Variants in ARHGAP44 observed in about 807,000 individuals in gnomAD.
ARHGAP44 encodes Rho GTPase activating protein 44.
ARHGAP44 carries 43 observed loss-of-function variants against 106.8 expected under a neutral mutation model. The ratio of observed to expected loss-of-function variants is 0.40; its 90% CI spans 0.32 to 0.52. The LOEUF (loss-of-function observed/expected upper bound fraction) is 0.52. ARHGAP44 is among the 20% of genes least tolerant of loss of function. The probability of loss-of-function intolerance (pLI) is 0.48; values close to 1 mark genes in which losing one functional copy is unlikely to be tolerated. For missense variants in ARHGAP44, 866 were observed against 1,050.5 expected (o/e 0.82, Z 2.43); for synonymous variants, 439 against 410.3 (o/e 1.07, Z -0.85).
intron 1 of ARHGAP44, among the ~76,000 whole-genome samples, chr17:12,884,303 T>A (rs2036821764): frequency 6.6e-6 from 1 of 152,220 alleles, no homozygotes; most frequent in Non-Finnish European, 1.5e-5. Flanking sequence ...CTATATTGCT[T>A]TATGCAGCAC....
At chr17:12,889,275 A>T (rs953398487) in intron 1 of ARHGAP44, among the ~76,000 whole-genome samples, 1 of 152,218 alleles carries the variant, frequency 6.6e-6, no homozygotes, top group Non-Finnish European at 1.5e-5. Context: ...GTGCTCTAAC[A>T]GAATGCCACA....
intron 6 of ARHGAP44, among the ~76,000 whole-genome samples, chr17:12,926,262 G>A (rs2038225201): frequency 6.6e-6 from 1 of 151,652 alleles, no homozygotes; most frequent in Non-Finnish European, 1.5e-5. Flanking sequence ...CTACTCGGGA[G>A]GCTGAGGCAG....
rs529465698 is a variant in ARHGAP44 at position 12,868,455 on chromosome 17, C to A, written c.54-26485C>A. On this transcript the variant is annotated intron_variant, in intron 1 of 20. Coordinates refer to ENST00000379672, the MANE Select transcript of ARHGAP44 (RefSeq NM_014859.6). ...AGAAATCAAATAAAACCAAAACCACCATATCCATTATATTACATTCCAAAA... is the reference window on the plus strand; with the variant it reads ...AGAAATCAAATAAAACCAAAACCACAATATCCATTATATTACATTCCAAAA... Among the ~76,000 whole-genome samples, 20 of 151,484 alleles carry A rather than the reference C, an allele frequency of 1.3e-4. No homozygotes were observed. In the East Asian group the frequency reaches 3.5e-3, roughly 27 times the overall value.
intron 1 of ARHGAP44, among the ~76,000 whole-genome samples, chr17:12,859,299 C>G (rs2035998787): frequency 6.6e-6 from 1 of 152,186 alleles, no homozygotes. Flanking sequence ...CCTGCTGACA[C>G]CTTGAATGTA....
chr17:12,938,700 C>T (rs1379582831), intron 7 of ARHGAP44, among the ~76,000 whole-genome samples: 1 of 151,306 alleles, frequency 6.6e-6, no homozygotes. Flanking sequence ...TTTCAAAATG[C>T]ATTAAATTCT....
At chr17:12,889,127 G>A (rs1001567194) in intron 1 of ARHGAP44, among the ~76,000 whole-genome samples, 1 of 151,942 alleles carries the variant, frequency 6.6e-6, no homozygotes, top group Non-Finnish European at 1.5e-5. Context: ...TTTGTTTTCT[G>A]TTCTTTCTGT....
chr17:12,931,547 A>G (rs558078763), intron 7 of ARHGAP44, among the ~76,000 whole-genome samples: 3 of 151,922 alleles, frequency 2.0e-5, no homozygotes, highest in Admixed American at 2.0e-4. Flanking sequence ...CCCAGGCTGG[A>G]GTGCAGTGGC....
chr17:12,871,291 G>A (rs11657152), intron 1 of ARHGAP44, among the ~76,000 whole-genome samples: 138,805 of 152,150 alleles, frequency 0.91, 63,464 homozygotes, highest in African/African-American at 0.93. Flanking sequence ...GGATCGTGGG[G>A]GTGGTCTCTC....
intron 1 of ARHGAP44, among the ~76,000 whole-genome samples, chr17:12,864,426 T>A (rs2036175707): frequency 6.6e-6 from 1 of 152,180 alleles, no homozygotes; most frequent in Admixed American, 6.5e-5. Context: ...AAGGCTGAAC[T>A]GGAGGTCTGA....
chr17:12,905,721 A>G (rs2037527041), intron 3 of ARHGAP44, among the ~76,000 whole-genome samples: 1 of 152,154 alleles, frequency 6.6e-6, no homozygotes, highest in Non-Finnish European at 1.5e-5. Context: ...CTATAGGCAA[A>G]TCCTCTCTTC....
intron 16 of ARHGAP44, among the ~76,000 whole-genome samples, chr17:12,963,204 C>T (rs2039307164): frequency 6.6e-6 from 1 of 152,088 alleles, no homozygotes; most frequent in South Asian, 2.1e-4. Context: ...CTTGTCCTCC[C>T]AGGGAGTGTT....
intron 16 of ARHGAP44, among the ~76,000 whole-genome samples, chr17:12,970,907 T>C (rs1224129735): frequency 6.6e-6 from 1 of 152,248 alleles, no homozygotes; most frequent in African/African-American, 2.4e-5. Context: ...AACATTTACA[T>C]ATACCATCTT....
chr17:12,864,220 G>A (rs1453236912), intron 1 of ARHGAP44, among the ~76,000 whole-genome samples: 1 of 152,170 alleles, frequency 6.6e-6, no homozygotes, highest in Admixed American at 6.5e-5. Flanking sequence ...ATGAGGCTGG[G>A]ATTTCATCTA....
At chr17:12,882,898 G>C (rs1057319775) in intron 1 of ARHGAP44, among the ~76,000 whole-genome samples, 5 of 151,736 alleles carry the variant, frequency 3.3e-5, no homozygotes, top group Admixed American at 2.0e-4. Flanking sequence ...AGTTATGCTT[G>C]TTTCTCAGAA....
chr17:12,868,050 CTGTT>C (rs1302450078), intron 1 of ARHGAP44, among the ~76,000 whole-genome samples: 1 of 152,306 alleles, frequency 6.6e-6, no homozygotes, highest in East Asian at 1.9e-4. Flanking sequence ...TCTGATGAGT[CTGTT>C]TGGGCTGCAA....
At chr17:12,862,277 A>G (rs1274028448) in intron 1 of ARHGAP44, among the ~76,000 whole-genome samples, 1 of 152,092 alleles carries the variant, frequency 6.6e-6, no homozygotes, top group Non-Finnish European at 1.5e-5. Flanking sequence ...GACCTGAGAG[A>G]CACGGGGAGC....
At chr17:12,839,709 A>T (rs1472948346) in intron 1 of ARHGAP44, among the ~76,000 whole-genome samples, 1 of 152,178 alleles carries the variant, frequency 6.6e-6, no homozygotes, top group Admixed American at 6.6e-5. Context: ...TTAAAATGTG[A>T]AGAATTCAGT....
chr17:12,871,245 C>T (rs903541771), intron 1 of ARHGAP44, among the ~76,000 whole-genome samples: 17 of 152,120 alleles, frequency 1.1e-4, no homozygotes, highest in African/African-American at 3.1e-4. Flanking sequence ...AATTGTAATC[C>T]CCAATGCTGT....
chr17:12,833,117 T>C (rs1341065214), intron 1 of ARHGAP44, among the ~76,000 whole-genome samples: 4 of 152,192 alleles, frequency 2.6e-5, no homozygotes, highest in Admixed American at 2.6e-4. Context: ...CAGCTTAGGG[T>C]AGTCTTCGTT....
Sources: gnomAD v4.1 joint callset for allele counts (sites outside exome capture counted in the v4.1 genomes callset) on GRCh38, gnomAD v4.1.1 for gene constraint, MANE v1.5 for transcripts, NCBI Gene and HGNC (gene_info 2026-07-23, HGNC 2026-07-21) for gene names.